COMMD10: variants seen among roughly 807,000 people sequenced by gnomAD.
COMMD10 encodes the protein COMM domain containing 10, also known as COMM domain-containing protein 10.
A neutral mutation model predicts 28.9 loss-of-function variants in COMMD10; 33 were observed. The observed-to-expected ratio is 1.14, with a 90% CI of 0.87 to 1.53. The LOEUF (loss-of-function observed/expected upper bound fraction) is 1.53, where lower values mean the gene tolerates loss of function less well. Ranked by LOEUF, COMMD10 falls within the 40% of genes most tolerant of loss-of-function variation. COMMD10 has a pLI of 0.00. For missense variants in COMMD10, 310 were observed against 233.4 expected (o/e 1.33, Z -2.14); for synonymous variants, 110 against 81.7 (o/e 1.35, Z -1.87).
rs182220417 is a variant in COMMD10 at position 116,268,167 on chromosome 5, A to T, written c.511-23350A>T. On this transcript the variant is annotated intron_variant, in intron 5 of 6. Transcript: ENST00000274458. Reference sequence around the variant, plus strand: ...TACCATTAGAATGAACAGGCAACCTACAGAATGGAAGAAAATGTTTGCAAT... The same window carrying T: ...TACCATTAGAATGAACAGGCAACCTTCAGAATGGAAGAAAATGTTTGCAAT... Among the ~76,000 whole-genome samples, 129 of 152,108 alleles carry T rather than the reference A, an allele frequency of 8.5e-4. 2 individuals are homozygous for T. The highest frequency in any genetic ancestry group is 3.9e-3 in the East Asian group (20 of 5,192).
At chr5:116,223,481 C>T (rs1049982113) in intron 5 of COMMD10, among the ~76,000 whole-genome samples, 2 of 152,148 alleles carry the variant, frequency 1.3e-5, no homozygotes, top group East Asian at 1.9e-4. Context: ...TATTTCCACA[C>T]ATCCTGGTCA....
At chr5:116,264,113 C>T (rs1384727291) in intron 5 of COMMD10, among the ~76,000 whole-genome samples, 3 of 151,636 alleles carry the variant, frequency 2.0e-5, no homozygotes, top group Non-Finnish European at 4.4e-5. Flanking sequence ...AGGAGTGGCC[C>T]CTAAATCAAG....
intron 5 of COMMD10, among the ~76,000 whole-genome samples, chr5:116,223,017 G>A (rs555842863): frequency 7.9e-5 from 12 of 152,194 alleles, no homozygotes; most frequent in African/African-American, 2.6e-4. Flanking sequence ...GGTTATTTTA[G>A]TTGATATCTT....
In COMMD10 at chr5:116,134,075, C is replaced by T; in HGVS notation, c.407C>T (p.Thr136Ile). The change falls in exon 5 of 7, where the codon ACC becomes ATC. Residue 136 changes from threonine (T) to isoleucine (I), a missense_variant. By Grantham distance (89) the Thr-to-Ile change is moderately conservative (BLOSUM62 -1). Coordinates refer to ENST00000274458, the MANE Select transcript of COMMD10 (RefSeq NM_016144.4). ...TGCACCTGTCTTTTATAGCTAGAGA[C>T]CGTTGGATGGCAGCTTAACCTTCAG... is the stretch of plus-strand genomic sequence containing the variant. ...QRILAPCKLE[T>I]VGWQLNLQMA... 1 of 1,582,282 alleles carries T rather than the reference C, an allele frequency of 6.3e-7. No homozygotes were observed. Among genetic ancestry groups the T allele is most frequent in the Non-Finnish European group, 8.7e-7 (1 of 1,150,364 alleles).
intron 5 of COMMD10, among the ~76,000 whole-genome samples, chr5:116,175,429 A>C (rs1303325579): frequency 1.3e-5 from 2 of 152,284 alleles, no homozygotes; most frequent in East Asian, 1.9e-4. Flanking sequence ...TACCGGTGGC[A>C]ATGAATGTAA....
chr5:116,091,246 G>A, intron 3 of COMMD10, 57 bp downstream of exon 3: 2 of 850,524 alleles, frequency 2.4e-6, no homozygotes, highest in South Asian at 1.8e-5. Flanking sequence ...TATTTGTATT[G>A]TTATGATATC....
At chr5:116,101,093 A>G (rs1006708653) in intron 4 of COMMD10, among the ~76,000 whole-genome samples, 3 of 152,190 alleles carry the variant, frequency 2.0e-5, no homozygotes, top group African/African-American at 7.2e-5. Context: ...TTATGGCTCA[A>G]TAGTGTTCCA....
chr5:116,144,414 G>A (rs963925653), intron 5 of COMMD10, among the ~76,000 whole-genome samples: 1 of 151,828 alleles, frequency 6.6e-6, no homozygotes, highest in Non-Finnish European at 1.5e-5. Context: ...CTATTAACTA[G>A]ATGAAGAAAC....
chr5:116,113,507 T>C (rs1312151760), intron 4 of COMMD10, among the ~76,000 whole-genome samples: 1 of 151,998 alleles, frequency 6.6e-6, no homozygotes, highest in Non-Finnish European at 1.5e-5. Context: ...TTTTTAAAAT[T>C]TTTATCAGAC....
chr5:116,219,668 C>G (rs1383403049), intron 5 of COMMD10, among the ~76,000 whole-genome samples: 1 of 152,062 alleles, frequency 6.6e-6, no homozygotes, highest in Admixed American at 6.5e-5. Context: ...CTATTTTGGA[C>G]TTTGTGAGGG....
At chr5:116,291,749 T>A (rs1561411938) in intron 6 of COMMD10, among the ~76,000 whole-genome samples, 173 bp downstream of exon 6, 2 of 152,034 alleles carry the variant, frequency 1.3e-5, no homozygotes, top group Non-Finnish European at 2.9e-5. Context: ...GAAGAGAATT[T>A]GAAAAACTAA....
At position 116,156,817 on chromosome 5, in the gene COMMD10, C is replaced by A. The variant is rs1446847801; in HGVS notation, c.510+22639C>A. Among the ~76,000 whole-genome samples, 3 of 151,118 alleles carry A rather than the reference C, an allele frequency of 2.0e-5. No individual in the cohort carries two copies. In the East Asian group the frequency reaches 5.8e-4, roughly 29 times the overall value. Reference sequence around the variant, plus strand: ...TATATTGTATTTGGAGACTATTTTGCCAGCTTATACACTGGAGATGAGAAG... The same window carrying A: ...TATATTGTATTTGGAGACTATTTTGACAGCTTATACACTGGAGATGAGAAG... On this transcript the variant is annotated intron_variant, in intron 5 of 6. Transcript: ENST00000274458.
At chr5:116,088,822 A>G (rs1364434065) in intron 2 of COMMD10, among the ~76,000 whole-genome samples, 3 of 152,142 alleles carry the variant, frequency 2.0e-5, no homozygotes, top group South Asian at 2.1e-4. Context: ...GTACTGCATC[A>G]TAAGTATTTG....
At chr5:116,123,220 T>C (rs778289035) in intron 4 of COMMD10, among the ~76,000 whole-genome samples, 4 of 152,126 alleles carry the variant, frequency 2.6e-5, no homozygotes, top group Non-Finnish European at 5.9e-5. Flanking sequence ...CTAATACAAA[T>C]GGAATCTAAT....
At chr5:116,280,584 C>T (rs1354377108) in intron 5 of COMMD10, among the ~76,000 whole-genome samples, 1 of 151,756 alleles carries the variant, frequency 6.6e-6, no homozygotes, top group South Asian at 2.1e-4. Flanking sequence ...ATCATGAGCA[C>T]TTTTCTCGGG....
At chr5:116,145,192 A>T (rs536197592) in intron 5 of COMMD10, among the ~76,000 whole-genome samples, 1 of 151,932 alleles carries the variant, frequency 6.6e-6, no homozygotes, top group African/African-American at 2.4e-5. Context: ...TGAAATGGTT[A>T]TTTTGGATAT....
chr5:116,169,819 G>C (rs997732044), intron 5 of COMMD10, among the ~76,000 whole-genome samples: 3 of 152,110 alleles, frequency 2.0e-5, no homozygotes, highest in Non-Finnish European at 4.4e-5. Context: ...CAATAAACTA[G>C]GTACTGATGG....
intron 5 of COMMD10, among the ~76,000 whole-genome samples, chr5:116,142,670 A>G (rs571287063): frequency 2.0e-5 from 3 of 151,860 alleles, no homozygotes; most frequent in South Asian, 2.1e-4. Flanking sequence ...TTAGGAGGCC[A>G]GTAAAAAGCC....
chr5:116,157,096 C>T (rs1752742738), intron 5 of COMMD10, among the ~76,000 whole-genome samples: 1 of 152,098 alleles, frequency 6.6e-6, no homozygotes. Flanking sequence ...TGCTACATAT[C>T]AGAAGTTCCT....
Sources: allele counts gnomAD v4.1 joint callset (sites outside exome capture counted in the v4.1 genomes callset), GRCh38; gene constraint gnomAD v4.1.1; transcripts MANE v1.5; gene names NCBI Gene and HGNC (gene_info 2026-07-23, HGNC 2026-07-21).